The following ACADSB variants were observed in gnomAD, a reference collection of about 807,000 sequenced individuals.
ACADSB encodes acyl-CoA dehydrogenase short/branched chain.
ACADSB carries 40 observed loss-of-function variants against 54.1 expected under a neutral mutation model. The observed-to-expected ratio is 0.74, with a 90% CI of 0.57 to 0.96. The LOEUF (loss-of-function observed/expected upper bound fraction) is 0.96, where lower values mean the gene tolerates loss of function less well. ACADSB is among the 40% of genes least tolerant of loss of function. ACADSB has a pLI of 0.00. For synonymous variants in ACADSB, 182 were observed against 182.8 expected (o/e 1.00, Z 0.03); for missense variants, 530 against 510.4 (o/e 1.04, Z -0.37).
intron 1 of ACADSB, among the ~76,000 whole-genome samples, chr10:123,024,727 G>A (rs922599854): frequency 1.1e-4 from 16 of 152,180 alleles, no homozygotes; most frequent in South Asian, 4.1e-4. Context: ...GGGTGGGGCC[G>A]GGCCCAAGCA....
Position 123,056,399 on chromosome 10 carries a change from A to C in ACADSB, c.*2634A>C. Reference sequence around the variant, plus strand: ...ATCAGATCTCATGAGACTTACTATCATGAGAATAGCACAGGAAAGACTGGC... The same window carrying C: ...ATCAGATCTCATGAGACTTACTATCCTGAGAATAGCACAGGAAAGACTGGC... On this transcript the variant is annotated 3_prime_UTR_variant, in exon 11 of 11. Coordinates refer to ENST00000358776, the MANE Select transcript of ACADSB (RefSeq NM_001609.4). 5.1e-6 allele frequency: 1 copy of C among 196,476 alleles called. No individual in the cohort carries two copies. The highest frequency in any genetic ancestry group is 1.0e-5 in the Non-Finnish European group (1 of 99,684). 12.2% of individuals were successfully genotyped at this position (196,476 alleles called of 1,614,324 possible). A position where few individuals can be genotyped will look rare whatever the true frequency, so the allele number is the denominator to read the frequency against.
In ACADSB at chr10:123,054,072, G is replaced by A. The variant is rs1343466781; in HGVS notation, c.*307G>A. 7.9e-6 allele frequency: 3 copies of A among 378,652 alleles called. No individual in the cohort carries two copies. The highest frequency in any genetic ancestry group is 1.5e-5 in the Non-Finnish European group (3 of 202,692). The allele number at this position is 378,652 out of a possible 1,614,324, so 23.5% of individuals were successfully genotyped here. ...TACTCTGTCTTACTCTGTCACCCAG[G>A]CTAGAGTGCAGTGGCGCGATCTCAG... On this transcript the variant is annotated 3_prime_UTR_variant, in exon 11 of 11. Coordinates refer to ENST00000358776, the MANE Select transcript of ACADSB (RefSeq NM_001609.4).
chr10:123,034,628 A>T, intron 2 of ACADSB, 113 bp downstream of exon 2: 2 of 1,179,752 alleles, frequency 1.7e-6, no homozygotes, highest in Non-Finnish European at 2.5e-6. Flanking sequence ...ATCCTGCTTC[A>T]GCCTCCTGAA....
In ACADSB at chr10:123,014,515, T is replaced by C. The variant is rs190682461; in HGVS notation, c.42+5444T>C. On this transcript the variant is annotated intron_variant, in intron 1 of 10. Transcript: ENST00000358776. ...GTGCCTGGACAACACTAGCTATTAA[T>C]GTAGGCAGAACACATTACCAATAAC... Among the ~76,000 whole-genome samples the C allele has an allele frequency of 9.8e-5, 15 of 152,322 alleles. No homozygotes were observed. The East Asian group carries it at 2.9e-3, about 29-fold the overall frequency.
chr10:123,050,902 T>C (rs1283584782), intron 8 of ACADSB, 147 bp from the exon 9 acceptor site: 2 of 749,058 alleles, frequency 2.7e-6, no homozygotes, highest in Non-Finnish European at 4.3e-6. Flanking sequence ...AGATTACTCA[T>C]TTTAAAGTAT....
intron 10 of ACADSB, 75 bp downstream of exon 10, chr10:123,053,235 C>A: frequency 8.1e-7 from 1 of 1,232,414 alleles, no homozygotes; most frequent in South Asian, 1.3e-5. Context: ...TTTTATTTGT[C>A]GTTTTTTTCC....
intron 2 of ACADSB, among the ~76,000 whole-genome samples, chr10:123,035,413 G>T (rs1850385460): frequency 6.6e-6 from 1 of 152,202 alleles, no homozygotes; most frequent in Admixed American, 6.5e-5. Context: ...AGATATAGGT[G>T]TAAAATTATG....
At chr10:123,027,532 A>G (rs1445040598) in intron 1 of ACADSB, 7 of 455,282 alleles carry the variant, frequency 1.5e-5, no homozygotes, top group Non-Finnish European at 2.2e-5. Context: ...TGCTGCTGCT[A>G]TGTAAGAAGT....
chr10:123,048,429 GT>G (rs561896904), intron 8 of ACADSB, among the ~76,000 whole-genome samples: 42 of 148,268 alleles, frequency 2.8e-4, no homozygotes, highest in Middle Eastern at 3.5e-3. Context: ...AAAAGTAGAG[GT>G]TTTTTTTTTG....
intron 1 of ACADSB, among the ~76,000 whole-genome samples, chr10:123,017,087 G>GA (rs1850118235): frequency 6.6e-6 from 1 of 152,070 alleles, no homozygotes; most frequent in African/African-American, 2.4e-5. Context: ...TATCTTCCCT[G>GA]AAAAAGAGGG....
At position 123,037,731 on chromosome 10, in the gene ACADSB, A is replaced by G; in HGVS notation, c.203-16A>G. The G allele has an allele frequency of 6.4e-7, 1 of 1,551,552 alleles. No homozygotes were observed. ...TCACTTTAACATAGACTTATCAGTA[A>G]TTCTTTTTCCTACAGTTAAAAAATT... On this transcript the variant is annotated splice_polypyrimidine_tract_variant and intron_variant, in intron 2 of 10. Transcript: ENST00000358776.
At chr10:123,045,342 C>A (rs569228815) in intron 7 of ACADSB, among the ~76,000 whole-genome samples, 732 of 5,892 alleles carry the variant, frequency 0.12, 3 homozygotes, top group African/African-American at 0.42. Flanking sequence ...CCACGCCCAG[C>A]CAATTTTTTT....
chr10:123,011,532 T>A (rs1208766691), intron 1 of ACADSB, among the ~76,000 whole-genome samples: 1 of 151,626 alleles, frequency 6.6e-6, no homozygotes, highest in African/African-American at 2.4e-5. Flanking sequence ...GATATCTTTT[T>A]TTTTTTTTTT....
chr10:123,044,444 A>C lies in ACADSB; in HGVS notation c.859A>C (p.Ile287Leu). The C allele has an allele frequency of 2.5e-6, 4 of 1,614,034 alleles. No individual in the cohort carries two copies. The highest frequency in any genetic ancestry group is 3.4e-6 in the Non-Finnish European group (4 of 1,179,910). ...GQIGHGYKYA[I>L]GSLNEGRIGI... ...AATTGGACATGGCTATAAGTATGCC[A>C]TAGGGAGTCTCAATGAAGGTAGAAT... Residue 287 changes from isoleucine to leucine, a missense_variant, in exon 7 of 11, where the codon ATA becomes CTA. Physicochemically the swap from Ile to Leu is conservative, Grantham distance 5. Coordinates refer to ENST00000358776, the MANE Select transcript of ACADSB (RefSeq NM_001609.4).
intron 1 of ACADSB, among the ~76,000 whole-genome samples, chr10:123,013,427 C>T (rs1850066244): frequency 6.6e-6 from 1 of 152,260 alleles, no homozygotes; most frequent in African/African-American, 2.4e-5. Flanking sequence ...ACTCAGGAGC[C>T]CAGCTGGCCT....
chr10:123,047,231 G>A lies in ACADSB; in HGVS notation c.923G>A (p.Cys308Tyr), dbSNP rs770456976. The stretch of plus-strand genomic sequence containing the variant: ...CAGATGCTGGGACTGGCGCAAGGAT[G>A]TTTTGACTACACTATTCCATATATT... ...AAQMLGLAQG[C>Y]FDYTIPYIKE... The change falls in exon 8 of 11, where the codon TGT becomes TAT. Residue 308 changes from cysteine (C) to tyrosine (Y), a missense_variant. Physicochemically the swap from Cys to Tyr is radical, Grantham distance 194 (BLOSUM62 -2). Coordinates refer to ENST00000358776, the MANE Select transcript of ACADSB (RefSeq NM_001609.4). The A allele has an allele frequency of 9.9e-6, 16 of 1,608,920 alleles. No homozygotes were observed. In the East Asian group the frequency reaches 3.1e-4, roughly 31 times the overall value.
chr10:123,014,620 G>T (rs1332750349), intron 1 of ACADSB, among the ~76,000 whole-genome samples: 2 of 152,168 alleles, frequency 1.3e-5, no homozygotes, highest in African/African-American at 4.8e-5. Flanking sequence ...TTTACAACAG[G>T]GTTCTTGACA....
chr10:123,051,228 G>GA, intron 9 of ACADSB, 42 bp downstream of exon 9: 1 of 1,206,090 alleles, frequency 8.3e-7, no homozygotes. Flanking sequence ...AAGTAATTCA[G>GA]CCTTTTTTTT....
intron 2 of ACADSB, among the ~76,000 whole-genome samples, chr10:123,034,956 CTT>C (rs1026343750): frequency 7.1e-6 from 1 of 140,224 alleles, no homozygotes; most frequent in African/African-American, 2.6e-5. Context: ...TCTTTTTTTT[CTT>C]TTTTTTTTTG....
Sources: gnomAD v4.1 joint callset for allele counts (sites outside exome capture counted in the v4.1 genomes callset) on GRCh38, gnomAD v4.1.1 for gene constraint, MANE v1.5 for transcripts, NCBI Gene and HGNC (gene_info 2026-07-23, HGNC 2026-07-21) for gene names.